The following PANK3 variants were observed in gnomAD, a reference collection of about 807,000 sequenced individuals.
PANK3 encodes hPanK3.
Under a neutral mutation model 39.4 loss-of-function variants are expected in PANK3, and 20 were observed. That is an observed-to-expected ratio of 0.51 (90% CI 0.36 to 0.74). The LOEUF (loss-of-function observed/expected upper bound fraction) is 0.74. Ranked by LOEUF, PANK3 falls within the 30% of genes least tolerant of loss-of-function variation. The pLI, the probability that PANK3 is intolerant of heterozygous loss-of-function variation, is 0.00. For missense variants in PANK3, 265 were observed against 437.0 expected (o/e 0.61, Z 3.51); for synonymous variants, 140 against 157.3 (o/e 0.89, Z 0.82).
chr5:168,571,500 T>C (rs1759629893), intron 1 of PANK3, among the ~76,000 whole-genome samples: 1 of 152,194 alleles, frequency 6.6e-6, no homozygotes, highest in Non-Finnish European at 1.5e-5. Flanking sequence ...TAAAAATATA[T>C]ATTTCTATTC....
At chr5:168,573,731 T>C (rs1410746129) in intron 1 of PANK3, among the ~76,000 whole-genome samples, 15 of 135,862 alleles carry the variant, frequency 1.1e-4, no homozygotes, top group Admixed American at 3.4e-4. Context: ...TGTGTTCTCA[T>C]TGTTCAATTC....
intron 4 of PANK3, among the ~76,000 whole-genome samples, chr5:168,562,082 A>G (rs557182558): frequency 6.6e-6 from 1 of 152,340 alleles, no homozygotes; most frequent in African/African-American, 2.4e-5. Context: ...TCCAAATATC[A>G]TCAATTCAAC....
Position 168,553,738 on chromosome 5 carries a change from C to T in PANK3, c.*3833G>A, listed in dbSNP as rs2113098421. ...AGAGCTAGGAGTGGGATTCCAGAGA[C>T]ACTTCTTCCAGCCAACAAAACCTTC... is the stretch of plus-strand genomic sequence containing the variant. On this transcript the variant is annotated 3_prime_UTR_variant, in exon 7 of 7. Transcript: ENST00000239231. The T allele has an allele frequency of 6.5e-6, 1 of 154,310 alleles. No homozygotes were observed. The highest frequency in any genetic ancestry group is 1.9e-4 in the East Asian group (1 of 5,230). 9.6% of individuals were successfully genotyped at this position (154,310 alleles called of 1,614,324 possible).
rs1283121818 is a variant in PANK3, at chr5:168,557,279, T to C, written c.*292A>G. On this transcript the variant is annotated 3_prime_UTR_variant, in exon 7 of 7. Transcript: ENST00000239231. ...ATACTTTAAGATTTGTGTTTGAGCA[T>C]ACAGTACTGCAATGTTGGCTACATA... The C allele has an allele frequency of 7.4e-6, 2 of 272,046 alleles. No homozygotes were observed. The highest frequency in any genetic ancestry group is 2.2e-5 in the African/African-American group (1 of 45,176). 16.9% of individuals were successfully genotyped at this position (272,046 alleles called of 1,614,324 possible). A position where few individuals can be genotyped will look rare whatever the true frequency, so the allele number is the denominator to read the frequency against.
In PANK3 at chr5:168,552,888, G is replaced by T; in HGVS notation, c.*4683C>A. 5.0e-6 allele frequency: 1 copy of T among 200,412 alleles called. No homozygotes were observed. Among genetic ancestry groups the T allele is most frequent in the South Asian group, 1.0e-4 (1 of 9,630 alleles). 12.4% of individuals were successfully genotyped at this position (200,412 alleles called of 1,614,324 possible). On this transcript the variant is annotated 3_prime_UTR_variant, in exon 7 of 7. Transcript: ENST00000239231. The stretch of plus-strand genomic sequence containing the variant: ...AATAGAAGACAACATTGATTCCAGA[G>T]AGCTACTGAGAGAGCTGGAGCATGA...
chr5:168,576,288 A>C (rs1484362516), intron 1 of PANK3, among the ~76,000 whole-genome samples: 1 of 152,250 alleles, frequency 6.6e-6, no homozygotes, highest in Non-Finnish European at 1.5e-5. Context: ...CAAGTACCTT[A>C]CTACTTGGGT....
At position 168,568,709 on chromosome 5, in the gene PANK3, T is replaced by C. The variant is rs931114654; in HGVS notation, c.318A>G (p.Thr106=). ...IQMGRDKNFS[T]LQTVLCATGG... is the part of the protein sequence containing the mutation. The stretch of plus-strand genomic sequence containing the variant: ...CTGTAGCACATAGCACCGTCTGCAA[T>C]GTTGAGAAGTTTTTATCTCTTCCCA... The change falls in exon 2 of 7, where the codon ACA becomes ACG. Residue 106 remains threonine (T), a synonymous_variant. Coordinates refer to ENST00000239231, the MANE Select transcript of PANK3 (RefSeq NM_024594.4). 5.0e-6 allele frequency: 8 copies of C among 1,614,042 alleles called. No individual in the cohort carries two copies. Among genetic ancestry groups the C allele is most frequent in the East Asian group, 2.2e-5 (1 of 44,886 alleles).
rs1226999688 is a variant in PANK3 at position 168,551,846 on chromosome 5, T to C, written c.*5725A>G. 1.3e-5 allele frequency: 2 copies of C among 152,228 alleles called. No individual in the cohort carries two copies. The highest frequency in any genetic ancestry group is 2.4e-5 in the African/African-American group (1 of 41,466). 9.4% of individuals were successfully genotyped at this position (152,228 alleles called of 1,614,324 possible). ...CTGAACCACTTTAAGGGCTTTCAATTACCATGTATATTACTGGCAATAGTA... is the reference window on the plus strand; with the variant it reads ...CTGAACCACTTTAAGGGCTTTCAATCACCATGTATATTACTGGCAATAGTA... On this transcript the variant is annotated 3_prime_UTR_variant, in exon 7 of 7. Transcript: ENST00000239231.
chr5:168,565,955 C>T, intron 3 of PANK3, 58 bp downstream of exon 3: 1 of 1,499,372 alleles, frequency 6.7e-7, no homozygotes, highest in Non-Finnish European at 9.0e-7. Flanking sequence ...ATACTGATTT[C>T]ATAACTTCTG....
Position 168,563,346 on chromosome 5 carries a change from T to A in PANK3, c.812+543A>T, listed in dbSNP as rs575651709. Among the ~76,000 whole-genome samples the A allele has an allele frequency of 1.7e-3, 255 of 152,304 alleles. 1 individual carries two copies. The highest frequency in any genetic ancestry group is 0.01 in the Middle Eastern group (3 of 294). On this transcript the variant is annotated intron_variant, in intron 4 of 6. Transcript: ENST00000239231. ...AGGAGAAATGTAAATTAAAATTACA[T>A]TAAGATACCACTTCTCCATCTGATT...
intron 2 of PANK3, 97 bp downstream of exon 2, chr5:168,568,549 G>GC (rs1759570836): frequency 1.1e-6 from 1 of 928,402 alleles, no homozygotes; most frequent in African/African-American, 1.7e-5. Flanking sequence ...ATTTCCCACT[G>GC]CATGTGCAGG....
In PANK3 at chr5:168,555,078, A is replaced by T. The variant is rs1304709730; in HGVS notation, c.*2493T>A. On this transcript the variant is annotated 3_prime_UTR_variant, in exon 7 of 7. Transcript: ENST00000239231. ...TGCCAAAGATTATAATTTTTTATTA[A>T]GATCTCGAGTAACTCCCTGTAAGCT... The T allele has an allele frequency of 6.6e-6, 1 of 152,204 alleles. No individual in the cohort carries two copies. The highest frequency in any genetic ancestry group is 1.5e-5 in the Non-Finnish European group (1 of 68,024). The allele number at this position is 152,204 out of a possible 1,614,324, so 9.4% of individuals were successfully genotyped here. A position where few individuals can be genotyped will look rare whatever the true frequency, so the allele number is the denominator to read the frequency against.
At chr5:168,575,691 G>C (rs1225334015) in intron 1 of PANK3, among the ~76,000 whole-genome samples, 1 of 152,102 alleles carries the variant, frequency 6.6e-6, no homozygotes, top group Non-Finnish European at 1.5e-5. Context: ...GAGGCTGAGG[G>C]GGGAGGATTG....
At chr5:168,574,280 AT>A (rs1433892315) in intron 1 of PANK3, among the ~76,000 whole-genome samples, 1 of 150,536 alleles carries the variant, frequency 6.6e-6, no homozygotes, top group African/African-American at 2.5e-5. Flanking sequence ...GATGGTGAGC[AT>A]TTTTTCATGT....
Position 168,550,529 on chromosome 5 carries a change from A to T in PANK3, c.*7042T>A, listed in dbSNP as rs531484323. 3.9e-5 allele frequency: 6 copies of T among 152,344 alleles called. No homozygotes were observed. The South Asian group carries it at 1.2e-3, about 32-fold the overall frequency. 9.4% of individuals were successfully genotyped at this position (152,344 alleles called of 1,614,324 possible). ...TAAAAGTACAAACATTTTAATATAC[A>T]TATAAAACCTTTCATATTACTTTAA... On this transcript the variant is annotated 3_prime_UTR_variant, in exon 7 of 7. Coordinates refer to ENST00000239231, the MANE Select transcript of PANK3 (RefSeq NM_024594.4).
Position 168,575,172 on chromosome 5 carries a change from A to G in PANK3, c.28+4084T>C, listed in dbSNP as rs539057506. 1.4e-3 allele frequency among the ~76,000 whole-genome samples: 209 copies of G among 152,308 alleles called. 1 individual carries two copies. The highest frequency in any genetic ancestry group is 2.5e-3 in the Non-Finnish European group (167 of 68,026). On this transcript the variant is annotated intron_variant, in intron 1 of 6. Coordinates refer to ENST00000239231, the MANE Select transcript of PANK3 (RefSeq NM_024594.4). ...TATTAGAATCTCTCATGACCTGTTC[A>G]TTATGCCTTTAACAAAATAATAGCT...
At chr5:168,567,809 G>A (rs1034089119) in intron 2 of PANK3, among the ~76,000 whole-genome samples, 3 of 151,856 alleles carry the variant, frequency 2.0e-5, no homozygotes, top group Non-Finnish European at 4.4e-5. Flanking sequence ...TTGTAGAGAC[G>A]GGGTCCCACT....
At position 168,569,592 on chromosome 5, in the gene PANK3, T is replaced by C. The variant is rs1759594154; in HGVS notation, c.29-594A>G. ...GCCTGGTAGGCAACCCCTTTTCATT[T>C]ACTAAATACCATGTGCTCCAGGGAT... On this transcript the variant is annotated intron_variant, in intron 1 of 6. Coordinates refer to ENST00000239231, the MANE Select transcript of PANK3 (RefSeq NM_024594.4). 2.0e-5 allele frequency among the ~76,000 whole-genome samples: 3 copies of C among 152,270 alleles called. No individual in the cohort carries two copies. The South Asian group carries it at 6.2e-4, about 32-fold the overall frequency.
Position 168,568,683 on chromosome 5 carries a change from C to T in PANK3, c.344G>A (p.Gly115Glu). Residue 115 changes from glycine (G) to glutamate (E), a missense_variant, in exon 2 of 7, where the codon GGA (glycine) becomes GAA (glutamate). Coordinates refer to ENST00000239231, the MANE Select transcript of PANK3 (RefSeq NM_024594.4). ...TTTTTCAAACTTGTAAGCACCACCT[C>T]CTGTAGCACATAGCACCGTCTGCAA... The part of the protein sequence containing the change: ...STLQTVLCAT[G>E]GGAYKFEKDF... 2.5e-6 allele frequency: 4 copies of T among 1,613,878 alleles called. No individual in the cohort carries two copies. The highest frequency in any genetic ancestry group is 2.5e-6 in the Non-Finnish European group (3 of 1,179,900).
Sources: allele counts gnomAD v4.1 joint callset (sites outside exome capture counted in the v4.1 genomes callset), GRCh38; gene constraint gnomAD v4.1.1; transcripts MANE v1.5; gene names NCBI Gene and HGNC (gene_info 2026-07-23, HGNC 2026-07-21).